Variants in METTL15 observed in about 807,000 individuals in gnomAD.
METTL15 encodes methyltransferase 15, mitochondrial 12S rRNA N4-cytidine.
Under a neutral mutation model 38.3 loss-of-function variants are expected in METTL15, and 34 were observed. That is an observed-to-expected ratio of 0.89 (90% CI 0.68 to 1.18). The LOEUF is 1.18. Among genes scored for constraint, METTL15 ranks in the 50% most tolerant of loss-of-function variants. METTL15 has a pLI of 0.00. For missense variants in METTL15, 438 were observed against 498.4 expected, an observed-to-expected ratio of 0.88 and a Z score of 1.15; for synonymous variants, 162 against 170.9, an observed-to-expected ratio of 0.95 and a Z score of 0.41.
At chr11:28,493,653 C>T (rs1345461441) in intron 6 of METTL15, among the ~76,000 whole-genome samples, 1 of 152,172 alleles carries the variant, frequency 6.6e-6, no homozygotes, top group Non-Finnish European at 1.5e-5. Flanking sequence ...CCAAATACAA[C>T]TGCGTAAAAC....
intron 5 of METTL15, among the ~76,000 whole-genome samples, chr11:28,415,051 G>A (rs945582609): frequency 1.3e-5 from 2 of 152,186 alleles, no homozygotes; most frequent in African/African-American, 4.8e-5. Flanking sequence ...TGTGGATCAT[G>A]TCATTGGGCA....
chr11:28,185,781 C>G (rs1277266926), intron 3 of METTL15, among the ~76,000 whole-genome samples: 1 of 150,678 alleles, frequency 6.6e-6, no homozygotes, highest in Admixed American at 6.7e-5. Flanking sequence ...GAGCTTTAAT[C>G]ATGTTTCAGG....
intron 4 of METTL15, among the ~76,000 whole-genome samples, chr11:28,267,082 C>T (rs1262799714): frequency 6.6e-6 from 1 of 151,018 alleles, no homozygotes; most frequent in South Asian, 2.1e-4. Context: ...ATCGCTTGAA[C>T]CCAGGAGGCA....
chr11:28,157,936 C>A (rs1850319631), intron 3 of METTL15, among the ~76,000 whole-genome samples: 1 of 152,142 alleles, frequency 6.6e-6, no homozygotes, highest in South Asian at 2.1e-4. Context: ...AGCACTACAG[C>A]CCTTTTCTAG....
chr11:28,149,574 G>A (rs771473588), intron 3 of METTL15, among the ~76,000 whole-genome samples: 1 of 151,890 alleles, frequency 6.6e-6, no homozygotes, highest in Non-Finnish European at 1.5e-5. Flanking sequence ...ATAAAATAAT[G>A]AATTTGGATT....
intron 3 of METTL15, among the ~76,000 whole-genome samples, chr11:28,173,568 C>T (rs1483041512): frequency 6.6e-6 from 1 of 152,156 alleles, no homozygotes; most frequent in East Asian, 1.9e-4. Flanking sequence ...TCATTTTCTG[C>T]TGTTATTTAA....
At chr11:28,399,797 T>C (rs1160179930) in intron 5 of METTL15, among the ~76,000 whole-genome samples, 1 of 151,928 alleles carries the variant, frequency 6.6e-6, no homozygotes, top group African/African-American at 2.4e-5. Context: ...TTTGCACAAA[T>C]ATTGGGATGT....
intron 4 of METTL15, among the ~76,000 whole-genome samples, chr11:28,361,500 T>G (rs1440066091): frequency 6.6e-6 from 1 of 152,180 alleles, no homozygotes; most frequent in Non-Finnish European, 1.5e-5. Context: ...TAAAACAAAG[T>G]GAACTTTGAT....
At chr11:28,149,228 T>G (rs10767697) in intron 3 of METTL15, among the ~76,000 whole-genome samples, 69,625 of 150,566 alleles carry the variant, frequency 0.46, 17,637 homozygotes, top group Admixed American at 0.56. Flanking sequence ...TTGAGGAACC[T>G]ATGTAATAGG....
At chr11:28,385,131 G>T (rs2133388091) in intron 5 of METTL15, among the ~76,000 whole-genome samples, 2 of 152,290 alleles carry the variant, frequency 1.3e-5, no homozygotes, top group Non-Finnish European at 2.9e-5. Flanking sequence ...TTGCTGTGCA[G>T]AAGCTCTTTA....
At chr11:28,246,822 C>G (rs1401081009) in intron 4 of METTL15, among the ~76,000 whole-genome samples, 4 of 152,090 alleles carry the variant, frequency 2.6e-5, no homozygotes, top group African/African-American at 9.7e-5. Flanking sequence ...AATATAGTAG[C>G]CACTAGCCAC....
At chr11:28,154,158 G>A (rs1422358905) in intron 3 of METTL15, among the ~76,000 whole-genome samples, 1 of 152,134 alleles carries the variant, frequency 6.6e-6, no homozygotes, top group Non-Finnish European at 1.5e-5. Flanking sequence ...AATTGAAGGG[G>A]AGATTCTAGC....
chr11:28,404,494 G>A (rs1850657628), intron 5 of METTL15, among the ~76,000 whole-genome samples: 2 of 152,004 alleles, frequency 1.3e-5, no homozygotes, highest in Admixed American at 6.6e-5. Context: ...AAGGGGCAAG[G>A]CAGCTCTCTG....
chr11:28,300,407 A>G (rs1401378336), intron 6 of METTL15, among the ~76,000 whole-genome samples: 3 of 152,170 alleles, frequency 2.0e-5, no homozygotes, highest in Non-Finnish European at 4.4e-5. Context: ...CACACTTGGA[A>G]TCACACGCTC....
In METTL15 at chr11:28,521,042, G is replaced by A. The variant is rs775060867; in HGVS notation, c.*425-5436G>A. On this transcript the variant is annotated intron_variant and NMD_transcript_variant, in intron 6 of 7. Transcript: ENST00000532947. ...TTTTTTTTTTTTAACTTCAGGAACT[G>A]TTAACTTGGAATATGCAGTGATGCA... is the stretch of plus-strand genomic sequence containing the variant. Among the ~76,000 whole-genome samples, 151 of 151,166 alleles carry A rather than the reference G, an allele frequency of 1.0e-3. 1 individual carries two copies. The highest frequency in any genetic ancestry group is 2.0e-3 in the Non-Finnish European group (137 of 67,874).
chr11:28,333,858 T>C (rs1197042218), downstream of METTL15, among the ~76,000 whole-genome samples: 1 of 151,876 alleles, frequency 6.6e-6, no homozygotes, highest in African/African-American at 2.4e-5. Flanking sequence ...AATGAACTAA[T>C]ATTTCTTAAA....
intron 6 of METTL15, among the ~76,000 whole-genome samples, chr11:28,510,582 G>C (rs1430422627): frequency 6.6e-6 from 1 of 152,130 alleles, no homozygotes; most frequent in African/African-American, 2.4e-5. Context: ...CTATGTGTCA[G>C]ACATTATGTT....
chr11:28,285,824 C>T (rs1032803465), intron 4 of METTL15, among the ~76,000 whole-genome samples: 23 of 151,942 alleles, frequency 1.5e-4, no homozygotes, highest in African/African-American at 4.4e-4. Context: ...CCCAGTAGCT[C>T]GATGGAAAAA....
chr11:28,116,532 G>A (rs1227909387), intron 3 of METTL15, among the ~76,000 whole-genome samples: 1 of 152,182 alleles, frequency 6.6e-6, no homozygotes, highest in Non-Finnish European at 1.5e-5. Flanking sequence ...GTGCATGTGT[G>A]CACACACCCA....
Sources: gnomAD v4.1 joint callset for allele counts (sites outside exome capture counted in the v4.1 genomes callset) on GRCh38, gnomAD v4.1.1 for gene constraint, MANE v1.5 for transcripts, NCBI Gene and HGNC (gene_info 2026-07-23, HGNC 2026-07-21) for gene names.